Variants in SLC23A2 observed in about 807,000 individuals in gnomAD.
SLC23A2 encodes the protein solute carrier family 23 member 2, also known as Na(+)/L-ascorbic acid transporter 2.
SLC23A2 carries 36 observed loss-of-function variants against 73.3 expected under a neutral mutation model. That is an observed-to-expected ratio of 0.49 (90% confidence interval 0.38 to 0.65). The LOEUF is 0.65. SLC23A2 is among the 30% of genes least tolerant of loss of function. SLC23A2 has a pLI of 0.00. For synonymous variants in SLC23A2, 343 were observed against 327.3 expected, an observed-to-expected ratio of 1.05 and a Z score of -0.52; for missense variants, 507 against 841.6, an observed-to-expected ratio of 0.60 and a Z score of 4.92.
At chr20:4,907,706 T>A (rs974781204) in intron 4 of SLC23A2, among the ~76,000 whole-genome samples, 1 of 151,484 alleles carries the variant, frequency 6.6e-6, no homozygotes, top group Non-Finnish European at 1.5e-5. Flanking sequence ...GTGTTAAATG[T>A]CAGAACAAGG....
rs372993326 is a variant in SLC23A2, at chr20:4,975,940, T to G, written c.-281-5021A>C. 6.3e-3 allele frequency among the ~76,000 whole-genome samples: 941 copies of G among 149,038 alleles called. 45 individuals carry two copies. The South Asian group carries it at 0.14, about 22-fold the overall frequency. On this transcript the variant is annotated intron_variant, in intron 1 of 16. Transcript: ENST00000338244. ...GCGATCTCGGCTCACTGCAAGCTCT[T>G]CCTCCCGGGTTCACGCCTTTCTCCT...
intron 1 of SLC23A2, among the ~76,000 whole-genome samples, chr20:4,979,177 C>T (rs1018504711): frequency 6.6e-6 from 1 of 151,816 alleles, no homozygotes; most frequent in African/African-American, 2.4e-5. Flanking sequence ...CCTGTAATCC[C>T]GGCTACTCAG....
At chr20:4,986,000 A>C (rs2087819444) in intron 1 of SLC23A2, among the ~76,000 whole-genome samples, 1 of 152,104 alleles carries the variant, frequency 6.6e-6, no homozygotes, top group Non-Finnish European at 1.5e-5. Flanking sequence ...GATGTAGGGA[A>C]TCCCTCTCCC....
In SLC23A2 at chr20:4,868,624, T is replaced by G. The variant is rs1930303220; in HGVS notation, c.1251-749A>C. On this transcript the variant is annotated intron_variant, in intron 12 of 16. Coordinates refer to ENST00000338244, the MANE Select transcript of SLC23A2 (RefSeq NM_005116.6). This position sits in a 1 kb window ranked among gnomAD's most constrained non-coding sequence, Gnocchi z 4.4. ...AAATGTTTTATAATTTCATAAGTAC[T>G]GACACTTTTAAACATACTGATATAC... Among the ~76,000 whole-genome samples, 1 of 152,236 alleles carries G rather than the reference T, an allele frequency of 6.6e-6. No individual in the cohort carries two copies. Among genetic ancestry groups the G allele is most frequent in the African/African-American group, 2.4e-5 (1 of 41,458 alleles).
At chr20:4,990,229 A>G (rs2087903550) in intron 1 of SLC23A2, among the ~76,000 whole-genome samples, 1 of 152,172 alleles carries the variant, frequency 6.6e-6, no homozygotes, top group South Asian at 2.1e-4. Context: ...GTTATAAAAC[A>G]TACAGACTGG....
intron 3 of SLC23A2, among the ~76,000 whole-genome samples, chr20:4,925,909 G>A (rs372775012): frequency 6.6e-6 from 1 of 152,202 alleles, no homozygotes; most frequent in Admixed American, 6.5e-5. Flanking sequence ...AGGGTCTCAC[G>A]TGGACACTAT....
chr20:4,859,020 C>T (rs1929849027), intron 16 of SLC23A2, among the ~76,000 whole-genome samples: 1 of 152,220 alleles, frequency 6.6e-6, no homozygotes, highest in Non-Finnish European at 1.5e-5. Context: ...GCCCATCCCA[C>T]TGCCATCTCA....
intron 4 of SLC23A2, among the ~76,000 whole-genome samples, chr20:4,912,294 A>C (rs1932184370): frequency 6.6e-6 from 1 of 152,062 alleles, no homozygotes; most frequent in Admixed American, 6.6e-5. Context: ...TTCCATTGGC[A>C]CACTAAGGTG....
rs961468717 is a variant in SLC23A2 at position 4,932,771 on chromosome 20, A to G, written c.-154-55T>C. 3 of 530,456 alleles carry G rather than the reference A, an allele frequency of 5.7e-6. No individual in the cohort carries two copies. In the Admixed American group the frequency reaches 1.0e-4, roughly 18 times the overall value. 32.9% of individuals were successfully genotyped at this position (530,456 alleles called of 1,614,324 possible). Reference sequence around the variant, plus strand: ...CCAAAGCATGAAAACAACACAGGCCATGCAGTCACTGAGTTTCTTGCACAG... The same window carrying G: ...CCAAAGCATGAAAACAACACAGGCCGTGCAGTCACTGAGTTTCTTGCACAG... On this transcript the variant is annotated intron_variant, in intron 2 of 16. Transcript: ENST00000338244.
intron 3 of SLC23A2, among the ~76,000 whole-genome samples, chr20:4,924,813 T>C (rs950411213): frequency 5.3e-5 from 8 of 152,212 alleles, no homozygotes; most frequent in Non-Finnish European, 1.0e-4. Flanking sequence ...CTTATTTTTT[T>C]CCCTAGTGTT....
chr20:4,957,503 A>T (rs933152529), intron 2 of SLC23A2, among the ~76,000 whole-genome samples: 1 of 151,916 alleles, frequency 6.6e-6, no homozygotes, highest in African/African-American at 2.4e-5. Flanking sequence ...TAGAAATTTT[A>T]AAGAGGGGGA....
In SLC23A2 at chr20:4,862,672, T is replaced by C; in HGVS notation, c.1486+106A>G. The C allele has an allele frequency of 9.6e-7, 1 of 1,044,964 alleles. No individual in the cohort carries two copies. Among genetic ancestry groups the C allele is most frequent in the Non-Finnish European group, 1.4e-6 (1 of 718,826 alleles). 64.7% of individuals were successfully genotyped at this position (1,044,964 alleles called of 1,614,324 possible). On this transcript the variant is annotated intron_variant, in intron 14 of 16. Transcript: ENST00000338244. This position sits in a 1 kb window ranked among gnomAD's most constrained non-coding sequence, Gnocchi z 5.1. ...AAGGCATATCCTTTGTATTTTAAAA[T>C]AGAAATTTATCGTTACCTTCTTACT...
intron 2 of SLC23A2, among the ~76,000 whole-genome samples, chr20:4,933,523 G>C (rs6084939): frequency 5.9e-5 from 9 of 152,010 alleles, no homozygotes; most frequent in Non-Finnish European, 1.2e-4. Context: ...CAGCTACTCA[G>C]GAGGCTGAGG....
At chr20:4,927,568 G>A (rs929715477) in intron 3 of SLC23A2, among the ~76,000 whole-genome samples, 11 of 152,112 alleles carry the variant, frequency 7.2e-5, no homozygotes, top group South Asian at 4.1e-4. Context: ...TAGGAGCACC[G>A]CAGTTCAAAT....
chr20:4,990,048 C>A (rs73601316), intron 1 of SLC23A2, among the ~76,000 whole-genome samples: 6 of 152,086 alleles, frequency 3.9e-5, no homozygotes, highest in Non-Finnish European at 7.3e-5. Flanking sequence ...CAAAATTACA[C>A]GGCAAACTTA....
chr20:4,910,657 AAC>A (rs1932109235), intron 4 of SLC23A2, among the ~76,000 whole-genome samples: 1 of 152,048 alleles, frequency 6.6e-6, no homozygotes, highest in South Asian at 2.1e-4. Context: ...GCTGGTCTTG[AAC>A]TCCTGACCTC....
intron 4 of SLC23A2, among the ~76,000 whole-genome samples, chr20:4,910,218 C>CA (rs199865244): frequency 2.8e-4 from 42 of 150,812 alleles, no homozygotes; most frequent in Non-Finnish European, 4.4e-4. Flanking sequence ...ACTAAAAATA[C>CA]AAAAAAAAAT....
intron 3 of SLC23A2, among the ~76,000 whole-genome samples, chr20:4,924,072 C>T (rs534819580): frequency 1.3e-5 from 2 of 152,248 alleles, no homozygotes; most frequent in South Asian, 4.1e-4. Context: ...TCCTCACATC[C>T]CTGCATCCTT....
intron 1 of SLC23A2, among the ~76,000 whole-genome samples, chr20:4,981,375 A>G (rs74654281): frequency 0.017 from 2,641 of 152,304 alleles, 68 homozygotes; most frequent in African/African-American, 0.053. Context: ...TCAACTATGA[A>G]AAGGCTTTAA....
Sources: gnomAD v4.1 joint callset for allele counts (sites outside exome capture counted in the v4.1 genomes callset) on GRCh38, gnomAD v4.1.1 for gene constraint, Gnocchi (gnomAD v3.1) non-coding constraint, MANE v1.5 for transcripts, NCBI Gene and HGNC (gene_info 2026-07-23, HGNC 2026-07-21) for gene names.